Variants in PSMA4 observed in about 807,000 individuals in gnomAD.
PSMA4 encodes the protein proteasome subunit alpha type-4.
PSMA4 carries 8 observed loss-of-function variants against 37.2 expected under a neutral mutation model. The ratio of observed to expected loss-of-function variants is 0.22; its 90% CI spans 0.13 to 0.39. The LOEUF is 0.39. Ranked by LOEUF, PSMA4 falls within the 10% of genes least tolerant of loss-of-function variation. The pLI, the probability that PSMA4 is intolerant of heterozygous loss-of-function variation, is 1.00. For synonymous variants in PSMA4, 93 were observed against 98.8 expected (o/e 0.94, Z 0.35); for missense variants, 169 against 305.1 (o/e 0.55, Z 3.32).
chr15:78,543,447 G>A (rs1031928398), intron 4 of PSMA4, among the ~76,000 whole-genome samples: 2 of 152,084 alleles, frequency 1.3e-5, no homozygotes, highest in Non-Finnish European at 2.9e-5. Context: ...TCTAGTAGGA[G>A]CCTAGCCCTG....
At chr15:78,547,558 G>A (rs1447187612) in intron 8 of PSMA4, among the ~76,000 whole-genome samples, 1 of 152,106 alleles carries the variant, frequency 6.6e-6, no homozygotes, top group South Asian at 2.1e-4. Flanking sequence ...TATTTCAGTC[G>A]AGCTTGGTGG....
At position 78,542,093 on chromosome 15, in the gene PSMA4, A is replaced by G. The variant is rs2052463768; in HGVS notation, c.4-84A>G. On this transcript the variant is annotated intron_variant, in intron 2 of 8. Coordinates refer to ENST00000044462, the MANE Select transcript of PSMA4 (RefSeq NM_002789.6). ...CCTATTGAACTTTGTATACCAGGATAGGTTTTGTAAGATCATTTGTAGGCT... is the reference window on the plus strand; with the variant it reads ...CCTATTGAACTTTGTATACCAGGATGGGTTTTGTAAGATCATTTGTAGGCT... 25 of 1,489,518 alleles carry G rather than the reference A, an allele frequency of 1.7e-5. No individual in the cohort carries two copies. In the South Asian group the frequency reaches 2.9e-4, roughly 17 times the overall value. 92.3% of individuals were successfully genotyped at this position (1,489,518 alleles called of 1,614,324 possible).
In PSMA4 at chr15:78,549,561, CCCT is replaced by C. The variant is rs2052614762; in HGVS notation, c.*618_*620del. 1 of 152,262 alleles carries C rather than the reference CCCT, an allele frequency of 6.6e-6. No individual in the cohort carries two copies. The highest frequency in any genetic ancestry group is 1.5e-5 in the Non-Finnish European group (1 of 68,096). 9.4% of individuals were successfully genotyped at this position (152,262 alleles called of 1,614,324 possible). On this transcript the variant is annotated 3_prime_UTR_variant, in exon 9 of 9. Transcript: ENST00000044462. ...TGCTGGGGTTTGTTCAACCTGAGTT[CCCT>C]TGGCTATCTGTGGCTTCATGACAGA...
At chr15:78,545,064 AAATTT>A in intron 6 of PSMA4, 107 bp downstream of exon 6, 1 of 673,192 alleles carries the variant, frequency 1.5e-6, no homozygotes, top group Non-Finnish European at 2.4e-6. Flanking sequence ...GTTTTAAATT[AAATTT>A]AATTTTTTTA....
chr15:78,546,546 A>G, intron 7 of PSMA4, 29 bp from the exon 8 acceptor site: 1 of 1,554,232 alleles, frequency 6.4e-7, no homozygotes, highest in Non-Finnish European at 8.6e-7. Flanking sequence ...GTAAAAACTT[A>G]AAATTCTATG....
chr15:78,545,384 C>CT (rs1180243511), intron 6 of PSMA4, among the ~76,000 whole-genome samples: 3 of 152,192 alleles, frequency 2.0e-5, no homozygotes, highest in African/African-American at 7.2e-5. Flanking sequence ...AATCTGGAAA[C>CT]TAACTGCTGT....
intron 7 of PSMA4, among the ~76,000 whole-genome samples, 180 bp downstream of exon 7, chr15:78,545,944 G>A (rs546340628): frequency 2.0e-5 from 3 of 152,254 alleles, no homozygotes; most frequent in South Asian, 2.1e-4. Flanking sequence ...ACTGGGGTTC[G>A]TTAACTACAT....
Position 78,542,391 on chromosome 15 carries a change from G to C in PSMA4, c.47-92G>C, listed in dbSNP as rs1222748380. On this transcript the variant is annotated intron_variant, in intron 3 of 8. Coordinates refer to ENST00000044462, the MANE Select transcript of PSMA4 (RefSeq NM_002789.6). ...CATAGAAGAGTGAAAGTGGAAATTT[G>C]TTTCTAGCTTGCTTCATTGCTGATT... is the stretch of plus-strand genomic sequence containing the variant. The C allele has an allele frequency of 3.4e-6, 5 of 1,480,406 alleles. No individual in the cohort carries two copies. In the Admixed American group the frequency reaches 1.1e-4, roughly 32 times the overall value. 91.7% of individuals were successfully genotyped at this position (1,480,406 alleles called of 1,614,324 possible).
chr15:78,545,178 A>G (rs2052530185), intron 6 of PSMA4, among the ~76,000 whole-genome samples: 1 of 152,172 alleles, frequency 6.6e-6, no homozygotes, highest in African/African-American at 2.4e-5. Context: ...ATCATCTCAA[A>G]CACTTGTGTT....
rs1405452239 is a variant in PSMA4, at chr15:78,551,046, C to T, written c.*2102C>T. 6.6e-6 allele frequency: 1 copy of T among 152,186 alleles called. No individual in the cohort carries two copies. The highest frequency in any genetic ancestry group is 2.4e-5 in the African/African-American group (1 of 41,434). The allele number at this position is 152,186 out of a possible 1,614,324, so 9.4% of individuals were successfully genotyped here. A position where few individuals can be genotyped will look rare whatever the true frequency, so the allele number is the denominator to read the frequency against. ...GCAGAATTTACCCATAATCCAGCCA[C>T]TTTCCACTGCAGGAACGCTGGTCCA... On this transcript the variant is annotated 3_prime_UTR_variant, in exon 9 of 9. Transcript: ENST00000044462.
chr15:78,549,143 A>G lies in PSMA4; in HGVS notation c.*199A>G, dbSNP rs2052608995. 3 of 767,342 alleles carry G rather than the reference A, an allele frequency of 3.9e-6. No homozygotes were observed. The African/African-American group carries it at 5.4e-5, about 14-fold the overall frequency. The allele number at this position is 767,342 out of a possible 1,614,324, so 47.5% of individuals were successfully genotyped here. A position where few individuals can be genotyped will look rare whatever the true frequency, so the allele number is the denominator to read the frequency against. On this transcript the variant is annotated 3_prime_UTR_variant, in exon 9 of 9. Coordinates refer to ENST00000044462, the MANE Select transcript of PSMA4 (RefSeq NM_002789.6). ...ATGGTTACCCTTCATGGACGTCTTA[A>G]TCTTCCACACACATCCCCTTTTTTT...
intron 8 of PSMA4, among the ~76,000 whole-genome samples, chr15:78,546,971 G>C (rs1466430220): frequency 6.6e-6 from 1 of 152,084 alleles, no homozygotes; most frequent in African/African-American, 2.4e-5. Context: ...TCACCATGTT[G>C]GCCAGGCTAG....
chr15:78,541,956 C>T (rs1406307037), intron 2 of PSMA4, 26 bp downstream of exon 2: 5 of 1,591,400 alleles, frequency 3.1e-6, no homozygotes, highest in East Asian at 2.2e-5. Flanking sequence ...TGCCAATAAA[C>T]GGTTGCCTGA....
rs769646858 is a variant in PSMA4, at chr15:78,545,627, G to GGAACA, written c.377-7_377-6insGAACA. 3 of 1,611,642 alleles carry GGAACA rather than the reference G, an allele frequency of 1.9e-6. No individual in the cohort carries two copies. The Admixed American group carries it at 5.0e-5, about 27-fold the overall frequency. ...TTGATATGTTTGGCTTTTTTTCTTT[G>GGAACA]TTAAAGGAAAACGTCCCTTTGGTGT... is the stretch of plus-strand genomic sequence containing the variant. On this transcript the variant is annotated splice_region_variant and splice_polypyrimidine_tract_variant and intron_variant, in intron 6 of 8. Coordinates refer to ENST00000044462, the MANE Select transcript of PSMA4 (RefSeq NM_002789.6).
chr15:78,544,640 T>G lies in PSMA4; in HGVS notation c.288-229T>G. ...AAGGAGAGCTCACTTTTGCAAAGAT[T>G]AAAGTCATTAAAAATCTTTGAATTG... On this transcript the variant is annotated intron_variant, in intron 5 of 8. Transcript: ENST00000044462. 6.1e-6 allele frequency: 3 copies of G among 489,188 alleles called. No individual in the cohort carries two copies. The East Asian group carries it at 1.0e-4, about 16-fold the overall frequency. The allele number at this position is 489,188 out of a possible 1,614,324, so 30.3% of individuals were successfully genotyped here.
In PSMA4 at chr15:78,551,011, A is replaced by C. The variant is rs1296767193; in HGVS notation, c.*2067A>C. On this transcript the variant is annotated 3_prime_UTR_variant, in exon 9 of 9. Coordinates refer to ENST00000044462, the MANE Select transcript of PSMA4 (RefSeq NM_002789.6). ...GTTGAGGTAGTCAATAAATCTTATTAACTCTGTCTGCAGAATTTACCCATA... is the reference window on the plus strand; with the variant it reads ...GTTGAGGTAGTCAATAAATCTTATTCACTCTGTCTGCAGAATTTACCCATA... 2 of 152,172 alleles carry C rather than the reference A, an allele frequency of 1.3e-5. No homozygotes were observed. The highest frequency in any genetic ancestry group is 3.9e-4 in the East Asian group (2 of 5,186). The allele number at this position is 152,172 out of a possible 1,614,324, so 9.4% of individuals were successfully genotyped here. A position where few individuals can be genotyped will look rare whatever the true frequency, so the allele number is the denominator to read the frequency against.
chr15:78,547,818 CAGAG>C (rs530785709), intron 8 of PSMA4, among the ~76,000 whole-genome samples: 304 of 151,722 alleles, frequency 2.0e-3, no homozygotes, highest in African/African-American at 7.3e-3. Context: ...GCGTGGGTGA[CAGAG>C]AGAGACTCTG....
In PSMA4 at chr15:78,552,282, C is replaced by T. The variant is rs1232411149; in HGVS notation, c.*3338C>T. The T allele has an allele frequency of 3.3e-5, 5 of 152,074 alleles. No homozygotes were observed. Among genetic ancestry groups the T allele is most frequent in the Non-Finnish European group, 5.9e-5 (4 of 68,018 alleles). 9.4% of individuals were successfully genotyped at this position (152,074 alleles called of 1,614,324 possible). On this transcript the variant is annotated 3_prime_UTR_variant, in exon 9 of 9. Transcript: ENST00000044462. ...CAGGGACCCTACCAGCTCAGAAGCA[C>T]GTTGATATAAATAAGTAGAAAACCA... is the stretch of plus-strand genomic sequence containing the variant.
chr15:78,548,958 A>G lies in PSMA4; in HGVS notation c.*14A>G. The G allele has an allele frequency of 2.5e-6, 4 of 1,598,162 alleles. No homozygotes were observed. Among genetic ancestry groups the G allele is most frequent in the Non-Finnish European group, 3.4e-6 (4 of 1,174,688 alleles). ...AAGGATAAATAGAATCAGAGATTTT[A>G]TTACTCATTTGGGGCACCATTTCAG... On this transcript the variant is annotated 3_prime_UTR_variant, in exon 9 of 9. Transcript: ENST00000044462.
Sources: allele counts gnomAD v4.1 joint callset (sites outside exome capture counted in the v4.1 genomes callset), GRCh38; gene constraint gnomAD v4.1.1; transcripts MANE v1.5; gene names NCBI Gene and HGNC (gene_info 2026-07-23, HGNC 2026-07-21).